The following MRPL42 variants were observed in gnomAD, a reference collection of about 807,000 sequenced individuals.
The protein encoded by MRPL42 is mitochondrial ribosomal protein L42.
A neutral mutation model predicts 17.9 loss-of-function variants in MRPL42; 17 were observed. The observed-to-expected ratio is 0.95, with a 90% confidence interval of 0.65 to 1.42. MRPL42 has a LOEUF of 1.42. MRPL42 is among the 40% of genes most tolerant of loss of function. MRPL42 has a pLI of 0.00. For missense variants in MRPL42, 177 were observed against 175.2 expected (o/e 1.01, Z -0.06); for synonymous variants, 59 against 54.4 (o/e 1.08, Z -0.37).
intron 3 of MRPL42, 105 bp downstream of exon 3, chr12:93,477,122 C>A: frequency 1.2e-6 from 1 of 833,306 alleles, no homozygotes; most frequent in Non-Finnish European, 1.8e-6. Context: ...TCTCATTATT[C>A]TTTCCTTAAT....
chr12:93,469,248 T>C lies in MRPL42; in HGVS notation c.-38T>C. 2 of 1,537,732 alleles carry C rather than the reference T, an allele frequency of 1.3e-6. No homozygotes were observed. Among genetic ancestry groups the C allele is most frequent in the Non-Finnish European group, 1.8e-6 (2 of 1,127,280 alleles). ...CTAAAAGCAGTTTCTCTTCAGAACA[T>C]CTTTTTTCATACCACTTGATAAGCA... On this transcript the variant is annotated 5_prime_UTR_variant, in exon 2 of 6. Transcript: ENST00000549982.
At position 93,511,948 on chromosome 12, in the gene MRPL42, A is replaced by G. The variant is rs1463822342; in HGVS notation, c.*10727A>G. On this transcript the variant is annotated 3_prime_UTR_variant, in exon 6 of 6. Transcript: ENST00000549982. ...AGAAAAAGCATATCAACTGAACTGT[A>G]CAGTGTGTTCAGTGACTTAGTAAAG... The G allele has an allele frequency of 6.6e-6, 1 of 152,238 alleles. No individual in the cohort carries two copies. The highest frequency in any genetic ancestry group is 1.5e-5 in the Non-Finnish European group (1 of 68,042). 9.4% of individuals were successfully genotyped at this position (152,238 alleles called of 1,614,324 possible).
chr12:93,468,628 CAT>C (rs1373182829), intron 1 of MRPL42, among the ~76,000 whole-genome samples: 1 of 152,206 alleles, frequency 6.6e-6, no homozygotes, highest in African/African-American at 2.4e-5. Flanking sequence ...ACTTTGTACA[CAT>C]ATAAGATGGT....
In MRPL42 at chr12:93,515,090, T is replaced by C. The variant is rs1023534103; in HGVS notation, c.*13869T>C. 6.6e-6 allele frequency: 1 copy of C among 152,204 alleles called. No homozygotes were observed. The highest frequency in any genetic ancestry group is 2.4e-5 in the African/African-American group (1 of 41,450). 9.4% of individuals were successfully genotyped at this position (152,204 alleles called of 1,614,324 possible). The stretch of plus-strand genomic sequence containing the variant: ...TTATTTTCATTGCTAACCTCACTGA[T>C]TTTTAATTTTACCATTTAAATGTTA... On this transcript the variant is annotated 3_prime_UTR_variant, in exon 6 of 6. Coordinates refer to ENST00000549982, the MANE Select transcript of MRPL42 (RefSeq NM_014050.4).
At chr12:93,479,634 A>G (rs1880360731) in intron 4 of MRPL42, among the ~76,000 whole-genome samples, 162 bp downstream of exon 4, 1 of 151,744 alleles carries the variant, frequency 6.6e-6, no homozygotes, top group South Asian at 2.1e-4. Flanking sequence ...TTTATTTTTC[A>G]TCTGCTTTCT....
In MRPL42 at chr12:93,501,796, T is replaced by C. The variant is rs1052469464; in HGVS notation, c.*575T>C. 2 of 151,952 alleles carry C rather than the reference T, an allele frequency of 1.3e-5. No individual in the cohort carries two copies. Among genetic ancestry groups the C allele is most frequent in the Admixed American group, 6.6e-5 (1 of 15,256 alleles). The allele number at this position is 151,952 out of a possible 1,614,324, so 9.4% of individuals were successfully genotyped here. A position where few individuals can be genotyped will look rare whatever the true frequency, so the allele number is the denominator to read the frequency against. On this transcript the variant is annotated 3_prime_UTR_variant, in exon 6 of 6. Transcript: ENST00000549982. ...ATGTGCATGGCTTTCCTGAAGGAGATTTTTTAATTGCCTTTGAGAATAAAC... is the reference window on the plus strand; with the variant it reads ...ATGTGCATGGCTTTCCTGAAGGAGACTTTTTAATTGCCTTTGAGAATAAAC...
intron 5 of MRPL42, 41 bp downstream of exon 5, chr12:93,487,701 G>A (rs1240060957): frequency 1.4e-6 from 2 of 1,463,348 alleles, no homozygotes; most frequent in African/African-American, 1.4e-5. Flanking sequence ...ACTACATACA[G>A]TAAAGGAACA....
In MRPL42 at chr12:93,501,399, C is replaced by T; in HGVS notation, c.*178C>T. 7.1e-6 allele frequency: 3 copies of T among 422,558 alleles called. No individual in the cohort carries two copies. Among genetic ancestry groups the T allele is most frequent in the Non-Finnish European group, 8.1e-6 (2 of 247,372 alleles). The allele number at this position is 422,558 out of a possible 1,614,324, so 26.2% of individuals were successfully genotyped here. A position where few individuals can be genotyped will look rare whatever the true frequency, so the allele number is the denominator to read the frequency against. ...GATTTGACATTCTCATTTAGAGAAACCTATTTTCTTTTTTCTTTTTCTATT... is the reference window on the plus strand; with the variant it reads ...GATTTGACATTCTCATTTAGAGAAATCTATTTTCTTTTTTCTTTTTCTATT... On this transcript the variant is annotated 3_prime_UTR_variant, in exon 6 of 6. Coordinates refer to ENST00000549982, the MANE Select transcript of MRPL42 (RefSeq NM_014050.4).
rs899107009 is a variant in MRPL42, at chr12:93,506,766, G to T, written c.*5545G>T. ...TTCACTCATAATGCAAAGTACATTG[G>T]ATTACTATTATGCCACTTACTTGAA... is the stretch of plus-strand genomic sequence containing the variant. On this transcript the variant is annotated 3_prime_UTR_variant, in exon 6 of 6. Coordinates refer to ENST00000549982, the MANE Select transcript of MRPL42 (RefSeq NM_014050.4). The T allele has an allele frequency of 1.3e-5, 2 of 152,048 alleles. No homozygotes were observed. The highest frequency in any genetic ancestry group is 2.4e-5 in the African/African-American group (1 of 41,374). The allele number at this position is 152,048 out of a possible 1,614,324, so 9.4% of individuals were successfully genotyped here. A position where few individuals can be genotyped will look rare whatever the true frequency, so the allele number is the denominator to read the frequency against.
At chr12:93,494,205 A>G (rs1470918951) in intron 5 of MRPL42, among the ~76,000 whole-genome samples, 1 of 152,124 alleles carries the variant, frequency 6.6e-6, no homozygotes, top group Non-Finnish European at 1.5e-5. Flanking sequence ...TTCAACAGAA[A>G]AATTACAAGA....
chr12:93,476,190 T>C (rs1880165331), intron 2 of MRPL42, among the ~76,000 whole-genome samples: 1 of 152,150 alleles, frequency 6.6e-6, no homozygotes, highest in Non-Finnish European at 1.5e-5. Context: ...AAATACTTTA[T>C]TTTTATTTAT....
At chr12:93,494,307 G>A (rs1220533150) in intron 5 of MRPL42, among the ~76,000 whole-genome samples, 1 of 152,194 alleles carries the variant, frequency 6.6e-6, no homozygotes, top group Non-Finnish European at 1.5e-5. Context: ...GACCAGTTAG[G>A]AAGTTATTTC....
chr12:93,479,359 C>A, intron 3 of MRPL42, 29 bp from the exon 4 acceptor site: 5 of 1,447,128 alleles, frequency 3.5e-6, no homozygotes, highest in South Asian at 1.2e-5. Context: ...TACAGTATAA[C>A]TTTATTTCTA....
intron 4 of MRPL42, among the ~76,000 whole-genome samples, chr12:93,482,374 A>G (rs1207069635): frequency 3.3e-5 from 5 of 152,262 alleles, no homozygotes; most frequent in Middle Eastern, 6.8e-3. Flanking sequence ...TTTTCTGGCT[A>G]TCTCCCATCA....
rs555544445 is a variant in MRPL42, at chr12:93,507,078, C to T, written c.*5857C>T. ...TCTTATATGTATATTTATGCATATA[C>T]ATACTGATGAAATGTGCCTTTAGCA... On this transcript the variant is annotated 3_prime_UTR_variant, in exon 6 of 6. Coordinates refer to ENST00000549982, the MANE Select transcript of MRPL42 (RefSeq NM_014050.4). 3.1e-3 allele frequency: 466 copies of T among 152,312 alleles called. 5 individuals are homozygous for T. Among genetic ancestry groups the T allele is most frequent in the African/African-American group, 0.011 (453 of 41,566 alleles). The allele number at this position is 152,312 out of a possible 1,614,324, so 9.4% of individuals were successfully genotyped here.
rs1953640797 is a variant in MRPL42 at position 93,504,250 on chromosome 12, C to T, written c.*3029C>T. 6.5e-6 allele frequency: 1 copy of T among 154,206 alleles called. No individual in the cohort carries two copies. Among genetic ancestry groups the T allele is most frequent in the Non-Finnish European group, 1.5e-5 (1 of 68,204 alleles). The allele number at this position is 154,206 out of a possible 1,614,324, so 9.6% of individuals were successfully genotyped here. On this transcript the variant is annotated 3_prime_UTR_variant, in exon 6 of 6. Transcript: ENST00000549982. ...CCACCTCCCGGGTTCAAGTGATTCTCCTGCCTCAGCCTCCTTAAGTAGTTG... is the reference window on the plus strand; with the variant it reads ...CCACCTCCCGGGTTCAAGTGATTCTTCTGCCTCAGCCTCCTTAAGTAGTTG...
Position 93,486,369 on chromosome 12 carries a change from C to G in MRPL42, c.220-1128C>G, listed in dbSNP as rs114322712. Among the ~76,000 whole-genome samples the G allele has an allele frequency of 3.7e-3, 566 of 152,156 alleles. 5 individuals are homozygous for G. Among genetic ancestry groups the G allele is most frequent in the African/African-American group, 0.012 (504 of 41,516 alleles). On this transcript the variant is annotated intron_variant, in intron 4 of 5. Transcript: ENST00000549982. Reference sequence around the variant, plus strand: ...TTTTCTTTCTTTTTTCTTTTTGAGACAGTCTTGCTCTTTCGCCCAGGCTGG... The same window carrying G: ...TTTTCTTTCTTTTTTCTTTTTGAGAGAGTCTTGCTCTTTCGCCCAGGCTGG...
At chr12:93,491,939 G>A (rs937903986) in intron 5 of MRPL42, among the ~76,000 whole-genome samples, 2 of 152,216 alleles carry the variant, frequency 1.3e-5, no homozygotes, top group Admixed American at 1.3e-4. Context: ...TGCTGCAAAG[G>A]ACATGATTTT....
In MRPL42 at chr12:93,508,444, A is replaced by C. The variant is rs1312773368; in HGVS notation, c.*7223A>C. ...AGCACCTGTATCAAAACAAACAAAA[A>C]AGTGCAAGATTGGAAGCTTCGAGGC... On this transcript the variant is annotated 3_prime_UTR_variant, in exon 6 of 6. Coordinates refer to ENST00000549982, the MANE Select transcript of MRPL42 (RefSeq NM_014050.4). 1 of 152,408 alleles carries C rather than the reference A, an allele frequency of 6.6e-6. No individual in the cohort carries two copies. The highest frequency in any genetic ancestry group is 2.4e-5 in the African/African-American group (1 of 41,446). 9.4% of individuals were successfully genotyped at this position (152,408 alleles called of 1,614,324 possible).
Sources: gnomAD v4.1 joint callset for allele counts (sites outside exome capture counted in the v4.1 genomes callset) on GRCh38, gnomAD v4.1.1 for gene constraint, MANE v1.5 for transcripts, NCBI Gene and HGNC (gene_info 2026-07-23, HGNC 2026-07-21) for gene names.